Variants in NRG1 observed in about 807,000 individuals in gnomAD.
The protein encoded by NRG1 is pro-neuregulin-1, membrane-bound isoform.
In NRG1, 18 loss-of-function variants were observed where a neutral mutation model predicts 63.8. The ratio of observed to expected loss-of-function variants is 0.28; its 90% confidence interval spans 0.19 to 0.42. The LOEUF is 0.42. Ranked by LOEUF, NRG1 falls within the 10% of genes least tolerant of loss-of-function variation. The probability of loss-of-function intolerance (pLI) is 1.00; values close to 1 mark genes in which losing one functional copy is unlikely to be tolerated. For missense variants in NRG1, 762 were observed against 814.7 expected, an observed-to-expected ratio of 0.94 and a Z score of 0.79; for synonymous variants, 302 against 301.3, an observed-to-expected ratio of 1.00 and a Z score of -0.02.
intron 1 of NRG1, among the ~76,000 whole-genome samples, chr8:32,492,752 T>C (rs1443546020): frequency 1.3e-5 from 2 of 152,192 alleles, no homozygotes; most frequent in Non-Finnish European, 1.5e-5. Flanking sequence ...ACCTTTAGTA[T>C]TCTTTGTACT....
intron 1 of NRG1, among the ~76,000 whole-genome samples, chr8:32,002,808 G>T (rs1402606407): frequency 6.6e-6 from 1 of 152,068 alleles, no homozygotes; most frequent in East Asian, 1.9e-4. Context: ...GTAAACTTCT[G>T]TGTCTACATT....
At chr8:32,175,229 A>G (rs1052485551) in intron 1 of NRG1, among the ~76,000 whole-genome samples, 1 of 152,186 alleles carries the variant, frequency 6.6e-6, no homozygotes. Context: ...AATGACAAAA[A>G]CCATATTACT....
At chr8:32,140,895 TCTGATTTGTA>T (rs1305002038) in intron 1 of NRG1, among the ~76,000 whole-genome samples, 1 of 152,120 alleles carries the variant, frequency 6.6e-6, no homozygotes, top group Non-Finnish European at 1.5e-5. Context: ...GAACTTACAT[TCTGATTTGTA>T]CTGTTGACCT....
chr8:32,352,979 G>C (rs7004142), intron 1 of NRG1, among the ~76,000 whole-genome samples: 2 of 142,106 alleles, frequency 1.4e-5, no homozygotes. Flanking sequence ...GAGAGAGACA[G>C]AGAGAGAGTA....
chr8:32,661,624 C>G (rs1332165791), intron 5 of NRG1, among the ~76,000 whole-genome samples: 1 of 136,614 alleles, frequency 7.3e-6, no homozygotes, highest in Non-Finnish European at 1.6e-5. Context: ...TCATTTAGGG[C>G]TTTTTTTTTT....
chr8:32,470,801 CT>C (rs1220044017), intron 1 of NRG1, among the ~76,000 whole-genome samples: 2,019 of 145,876 alleles, frequency 0.014, 45 homozygotes, highest in African/African-American at 0.046. Context: ...CTCGTTGGGT[CT>C]TTTTTTTTTT....
At chr8:32,480,516 G>A (rs1188317123) in intron 1 of NRG1, among the ~76,000 whole-genome samples, 2 of 151,450 alleles carry the variant, frequency 1.3e-5, no homozygotes, top group Admixed American at 6.6e-5. Context: ...AACGAGGCAA[G>A]GTGATGGAGA....
At chr8:31,729,490 A>G (rs148503575) in intron 1 of NRG1, among the ~76,000 whole-genome samples, 119 of 152,258 alleles carry the variant, frequency 7.8e-4, no homozygotes, top group African/African-American at 2.7e-3. Context: ...CTAGAGCCAG[A>G]TTCTACTGTC....
Position 31,693,376 on chromosome 8 carries a change from C to T in NRG1, c.37+53945C>T, listed in dbSNP as rs1009729363. Among the ~76,000 whole-genome samples the T allele has an allele frequency of 2.6e-5, 4 of 152,158 alleles. No individual in the cohort carries two copies. In the East Asian group the frequency reaches 7.7e-4, roughly 29 times the overall value. ...AAAGCACACAAGGCATTAACATTTACATTTCCAATTAAAGCATAGGGAAAC... is the reference window on the plus strand; with the variant it reads ...AAAGCACACAAGGCATTAACATTTATATTTCCAATTAAAGCATAGGGAAAC... On this transcript the variant is annotated intron_variant, in intron 1 of 10. Transcript: ENST00000519301.
intron 1 of NRG1, among the ~76,000 whole-genome samples, chr8:31,899,159 A>T (rs992227410): frequency 4.0e-5 from 6 of 151,666 alleles, no homozygotes; most frequent in African/African-American, 1.5e-4. Context: ...GCTGGACTGC[A>T]GTGATGTGAA....
intron 1 of NRG1, among the ~76,000 whole-genome samples, chr8:31,771,349 A>G (rs1465994507): frequency 6.6e-6 from 1 of 152,212 alleles, no homozygotes; most frequent in African/African-American, 2.4e-5. Context: ...TTATGGATGT[A>G]ACACAGATTG....
chr8:31,790,195 T>G (rs965240908), intron 1 of NRG1, among the ~76,000 whole-genome samples: 7 of 152,162 alleles, frequency 4.6e-5, no homozygotes, highest in Admixed American at 4.6e-4. Flanking sequence ...GTAAAATCAA[T>G]ATGCTTAGTG....
chr8:32,030,951 C>A (rs1818170737), intron 1 of NRG1, among the ~76,000 whole-genome samples: 1 of 152,148 alleles, frequency 6.6e-6, no homozygotes, highest in South Asian at 2.1e-4. Context: ...AAAGATACTT[C>A]CCCAGGTCAA....
intron 1 of NRG1, among the ~76,000 whole-genome samples, chr8:31,760,432 A>G (rs184583531): frequency 1.7e-4 from 26 of 152,316 alleles, no homozygotes; most frequent in African/African-American, 5.8e-4. Context: ...AATGGCAACA[A>G]AAGCCAAAAT....
intron 5 of NRG1, among the ~76,000 whole-genome samples, chr8:32,675,309 C>A (rs1004600793): frequency 6.6e-6 from 1 of 152,176 alleles, no homozygotes; most frequent in African/African-American, 2.4e-5. Flanking sequence ...CAGCACAGAT[C>A]TAGTTATTTG....
chr8:32,065,223 T>C (rs1824563383), intron 1 of NRG1, among the ~76,000 whole-genome samples: 1 of 152,146 alleles, frequency 6.6e-6, no homozygotes, highest in South Asian at 2.1e-4. Flanking sequence ...TTTATTATAC[T>C]TTAAGTTTTA....
intron 1 of NRG1, among the ~76,000 whole-genome samples, chr8:31,932,547 G>A (rs189952842): frequency 1.2e-3 from 185 of 152,240 alleles, no homozygotes; most frequent in African/African-American, 4.2e-3. Context: ...GTTAAAAGTC[G>A]TCAGGAGTGA....
chr8:31,644,953 T>A (rs1373855653), intron 1 of NRG1, among the ~76,000 whole-genome samples: 2 of 152,144 alleles, frequency 1.3e-5, no homozygotes, highest in African/African-American at 4.8e-5. Context: ...ACAAAAAGTA[T>A]ACAATTAGGG....
chr8:32,447,503 C>T (rs1820413455), intron 1 of NRG1, among the ~76,000 whole-genome samples: 1 of 152,074 alleles, frequency 6.6e-6, no homozygotes. Flanking sequence ...CATCAGCATA[C>T]TAGAATAGCA....
Sources: gnomAD v4.1 joint callset for allele counts (sites outside exome capture counted in the v4.1 genomes callset) on GRCh38, gnomAD v4.1.1 for gene constraint, MANE v1.5 for transcripts, NCBI Gene and HGNC (gene_info 2026-07-23, HGNC 2026-07-21) for gene names.